CEP170: variants seen among roughly 807,000 people sequenced by gnomAD.
The protein encoded by CEP170 is centrosomal protein 170.
In CEP170, 21 loss-of-function variants were observed where a neutral mutation model predicts 151.9. The ratio of observed to expected loss-of-function variants is 0.14; its 90% CI spans 0.10 to 0.20. The LOEUF (loss-of-function observed/expected upper bound fraction) is 0.20, where lower values mean the gene tolerates loss of function less well. Among genes scored for constraint, CEP170 ranks in the 10% least tolerant of loss-of-function variants. The probability of loss-of-function intolerance (pLI) is 1.00; values close to 1 mark genes in which losing one functional copy is unlikely to be tolerated. For synonymous variants in CEP170, 356 were observed against 648.8 expected (o/e 0.55, Z 6.86); for missense variants, 964 against 1,892.9 (o/e 0.51, Z 9.11).
intron 7 of CEP170, among the ~76,000 whole-genome samples, chr1:243,198,551 A>C (rs912666985): frequency 2.6e-5 from 4 of 152,102 alleles, no homozygotes; most frequent in African/African-American, 4.8e-5. Flanking sequence ...TGTGTGCCAT[A>C]ATCTCAGCTC....
rs138502344 is a variant in CEP170 at position 243,158,674 on chromosome 1, G to A, written c.3677-2219C>T. ...AATTACATTTTGAGGAAAAAAGTAC[G>A]AGAAAAACTTCCTTTTCACAAACTT... On this transcript the variant is annotated intron_variant, in intron 13 of 19. Transcript: ENST00000366542. 3.2e-3 allele frequency among the ~76,000 whole-genome samples: 483 copies of A among 152,222 alleles called. 8 individuals are homozygous for A. Among genetic ancestry groups the A allele is most frequent in the African/African-American group, 9.6e-3 (400 of 41,532 alleles).
chr1:243,185,705 G>A lies in CEP170; in HGVS notation c.1566+74C>T. 1.4e-6 allele frequency: 2 copies of A among 1,479,934 alleles called. No individual in the cohort carries two copies. Among genetic ancestry groups the A allele is most frequent in the Non-Finnish European group, 1.8e-6 (2 of 1,101,832 alleles). The allele number at this position is 1,479,934 out of a possible 1,614,324, so 91.7% of individuals were successfully genotyped here. Reference sequence around the variant, plus strand: ...TGACTGCATGACAACATCTCATGCTGACTCTCCAATAATTTCCACCAGTCA... The same window carrying A: ...TGACTGCATGACAACATCTCATGCTAACTCTCCAATAATTTCCACCAGTCA... On this transcript the variant is annotated intron_variant, in intron 10 of 19. Coordinates refer to ENST00000366542, the MANE Select transcript of CEP170 (RefSeq NM_014812.3). This position sits in a 1 kb window ranked among gnomAD's most constrained non-coding sequence, Gnocchi z 4.9.
At chr1:243,134,757 G>A (rs2054842125) in intron 17 of CEP170, among the ~76,000 whole-genome samples, 1 of 151,252 alleles carries the variant, frequency 6.6e-6, no homozygotes, top group Admixed American at 6.6e-5. Context: ...GCCTCCCAAA[G>A]TGCTAGGATT....
At chr1:243,209,086 C>T (rs2061603745) in intron 4 of CEP170, among the ~76,000 whole-genome samples, 1 of 152,182 alleles carries the variant, frequency 6.6e-6, no homozygotes, top group South Asian at 2.1e-4. Context: ...TTTTCCAAAT[C>T]ACTTATTTCT....
chr1:243,180,731 A>G (rs1271425953), intron 10 of CEP170, among the ~76,000 whole-genome samples: 1 of 152,166 alleles, frequency 6.6e-6, no homozygotes, highest in African/African-American at 2.4e-5. Context: ...CAGGGTCCAG[A>G]TCCGCAGCAC....
At chr1:243,178,652 CTAAAA>C in intron 10 of CEP170, among the ~76,000 whole-genome samples, 1 of 151,830 alleles carries the variant, frequency 6.6e-6, no homozygotes, top group East Asian at 1.9e-4. Context: ...CTTTAAATGG[CTAAAA>C]TAGTCAATTT....
intron 14 of CEP170, among the ~76,000 whole-genome samples, chr1:243,145,609 T>G (rs565109578): frequency 1.3e-5 from 2 of 152,324 alleles, no homozygotes; most frequent in South Asian, 4.1e-4. Flanking sequence ...ACATTCATTT[T>G]CAAACGTTTT....
chr1:243,212,068 C>T lies in CEP170; in HGVS notation c.196-104G>A, dbSNP rs145755446. 411 of 1,184,932 alleles carry T rather than the reference C, an allele frequency of 3.5e-4. 3 individuals carry two copies. In the African/African-American group the frequency reaches 5.4e-3, roughly 15 times the overall value. 73.4% of individuals were successfully genotyped at this position (1,184,932 alleles called of 1,614,324 possible). On this transcript the variant is annotated intron_variant, in intron 3 of 19. Coordinates refer to ENST00000366542, the MANE Select transcript of CEP170 (RefSeq NM_014812.3). The stretch of plus-strand genomic sequence containing the variant: ...CTGAGAGTTAAAAGCACATATCATA[C>T]GGTGGCTAATACAGCCTGAGTATCA...
chr1:243,134,691 G>C (rs954261839), intron 17 of CEP170, among the ~76,000 whole-genome samples: 1 of 138,068 alleles, frequency 7.2e-6, no homozygotes, highest in African/African-American at 2.7e-5. Context: ...TTTTAATCTC[G>C]CTTTGTGGCT....
chr1:243,164,213 T>C (rs1314567851), intron 13 of CEP170, 71 bp downstream of exon 13: 6 of 1,303,582 alleles, frequency 4.6e-6, no homozygotes, highest in Non-Finnish European at 5.9e-6. Flanking sequence ...CTTACTTTTT[T>C]TTTTAAAAAA....
chr1:243,183,888 A>T (rs1194524405), intron 10 of CEP170, among the ~76,000 whole-genome samples: 1 of 152,200 alleles, frequency 6.6e-6, no homozygotes, highest in Non-Finnish European at 1.5e-5. Flanking sequence ...TGTAGGCAAC[A>T]GGTGTAAAAC....
chr1:243,218,333 G>A (rs1466326220), intron 3 of CEP170, among the ~76,000 whole-genome samples: 10 of 152,240 alleles, frequency 6.6e-5, no homozygotes, highest in Non-Finnish European at 1.5e-5. Context: ...CACAGGAGGG[G>A]TAGGGCAGAG....
At chr1:243,159,801 G>GTGTGTGTGTGTGTGTGTGTGTGTT (rs1170946413) in intron 13 of CEP170, among the ~76,000 whole-genome samples, 6 of 150,964 alleles carry the variant, frequency 4.0e-5, no homozygotes, top group South Asian at 4.2e-4. Context: ...GTGTGTGTGT[G>GTGTGTGTGTGTGTGTGTGTGTGTT]TTTTTGAGAT....
intron 17 of CEP170, among the ~76,000 whole-genome samples, chr1:243,131,966 T>C (rs1169759075): frequency 6.6e-6 from 1 of 152,060 alleles, no homozygotes; most frequent in Non-Finnish European, 1.5e-5. Flanking sequence ...GAACGCGGAG[T>C]TGCGAATTGA....
At chr1:243,231,650 T>G (rs1290839136) in intron 1 of CEP170, among the ~76,000 whole-genome samples, 4 of 152,120 alleles carry the variant, frequency 2.6e-5, no homozygotes, top group African/African-American at 9.7e-5. Context: ...AAGATATTAA[T>G]TGGAATCGCC....
chr1:243,250,134 G>T (rs991560654), intron 1 of CEP170, among the ~76,000 whole-genome samples: 1 of 152,068 alleles, frequency 6.6e-6, no homozygotes, highest in Non-Finnish European at 1.5e-5. Context: ...AAACCCATCC[G>T]AATGGTTTTC....
chr1:243,189,913 G>A (rs151092958), intron 8 of CEP170, among the ~76,000 whole-genome samples: 30 of 152,154 alleles, frequency 2.0e-4, no homozygotes, highest in African/African-American at 7.2e-4. Context: ...CCAGGTAACT[G>A]CTGATAACTA....
intron 14 of CEP170, among the ~76,000 whole-genome samples, chr1:243,150,117 C>T (rs1050248101): frequency 4.6e-5 from 7 of 151,994 alleles, no homozygotes; most frequent in Non-Finnish European, 8.8e-5. Flanking sequence ...TCATTTGGGG[C>T]CAACAAATCA....
At chr1:243,208,780 T>C (rs1427040886) in intron 4 of CEP170, among the ~76,000 whole-genome samples, 30 of 152,180 alleles carry the variant, frequency 2.0e-4, no homozygotes, top group East Asian at 3.8e-4. Context: ...CCCTCACTTC[T>C]AGTGTGTGCT....
Sources: allele counts gnomAD v4.1 joint callset (sites outside exome capture counted in the v4.1 genomes callset), GRCh38; gene constraint gnomAD v4.1.1; non-coding constraint Gnocchi (gnomAD v3.1); transcripts MANE v1.5; gene names NCBI Gene and HGNC (gene_info 2026-07-23, HGNC 2026-07-21).